Variants in SAMD11 observed in about 807,000 individuals in gnomAD.
SAMD11 encodes sterile alpha motif domain-containing protein 11.
In SAMD11, 77 loss-of-function variants were observed where a neutral mutation model predicts 64.4. The observed-to-expected ratio is 1.20, with a 90% CI of 0.99 to 1.44. The LOEUF is 1.44. SAMD11 is among the 40% of genes most tolerant of loss of function. The probability of loss-of-function intolerance (pLI) is 0.00; values close to 1 mark genes in which losing one functional copy is unlikely to be tolerated. For synonymous variants in SAMD11, 658 were observed against 421.9 expected, an observed-to-expected ratio of 1.56 and a Z score of -6.86; for missense variants, 1,402 against 943.3, an observed-to-expected ratio of 1.49 and a Z score of -6.37.
At chr1:943,587 C>T (rs902420508) in intron 12 of SAMD11, 111 bp from the exon 13 acceptor site, 10 of 1,067,688 alleles carry the variant, frequency 9.4e-6, no homozygotes, top group Admixed American at 3.3e-5. Flanking sequence ...CCCAACAGAT[C>T]ACTGTTTTTA....
Position 942,930 on chromosome 1 carries a change from T to C in SAMD11, c.1925T>C (p.Val642Ala), listed in dbSNP as rs201580592. ...SDGEDPETAA[V>A]GCRGPTPGQA... Reference sequence around the variant, plus strand: ...GGAGAGGACCCCGAGACGGCAGCTGTTGGGTGCAGGGGGCCCACTCCGGGC... The same window carrying C: ...GGAGAGGACCCCGAGACGGCAGCTGCTGGGTGCAGGGGGCCCACTCCGGGC... Residue 642 changes from valine to alanine, a missense_variant, in exon 11 of 14, where the codon GTT becomes GCT. Physicochemically the swap from Val to Ala is moderately conservative, Grantham distance 64. Transcript: ENST00000616016. 4.5e-4 allele frequency: 693 copies of C among 1,551,058 alleles called. 4 individuals are homozygous for C. In the African/African-American group the frequency reaches 8.5e-3, roughly 19 times the overall value.
Position 943,009 on chromosome 1 carries a change from C to G in SAMD11, c.2004C>G (p.Ser668=). Residue 668 remains serine, a synonymous_variant, in exon 11 of 14, where the codon TCC becomes TCG. Coordinates refer to ENST00000616016, the MANE Select transcript of SAMD11 (RefSeq NM_001385641.1). ...GAEGKGLFPG[S]TLPLGFPYAV... ...AGGGGAAGGGGCTTTTCCCAGGGTC[C>G]ACACTGCCCCTGGGCTTCCCTTATG... 6.5e-7 allele frequency: 1 copy of G among 1,538,116 alleles called. No individual in the cohort carries two copies. The highest frequency in any genetic ancestry group is 8.7e-7 in the Non-Finnish European group (1 of 1,145,826).
intron 11 of SAMD11, 55 bp from the exon 12 acceptor site, chr1:943,198 A>C: frequency 1.2e-6 from 2 of 1,609,284 alleles, no homozygotes; most frequent in Middle Eastern, 3.3e-4. Context: ...CGGTCAGGAG[A>C]CGGGCGGGTA....
In SAMD11 at chr1:931,083, C is replaced by T. The variant is rs775725399; in HGVS notation, c.836C>T (p.Ser279Phe). 7 of 1,612,486 alleles carry T rather than the reference C, an allele frequency of 4.3e-6. No individual in the cohort carries two copies. The South Asian group carries it at 5.5e-5, about 13-fold the overall frequency. ...WDVNISFREA[S>F]CSQDGNLPTL... is the part of the protein sequence containing the mutation. ...GTGAACATCTCTTTCCGAGAGGCGTCCTGCAGGTAGGAGCCGTGCTGTGCG... is the reference window on the plus strand; with the variant it reads ...GTGAACATCTCTTTCCGAGAGGCGTTCTGCAGGTAGGAGCCGTGCTGTGCG... The change falls in exon 4 of 14, where the codon TCC becomes TTC. Residue 279 changes from serine (S) to phenylalanine (F), a missense_variant. Coordinates refer to ENST00000616016, the MANE Select transcript of SAMD11 (RefSeq NM_001385641.1).
In SAMD11 at chr1:944,171, G is replaced by T; in HGVS notation, c.*18G>T. ...TGTGTTGAGGTTGCCGGGGGTAGGG[G>T]TGGGGCCACACAAATCTCCAGGAGC... On this transcript the variant is annotated 3_prime_UTR_variant, in exon 14 of 14. Coordinates refer to ENST00000616016, the MANE Select transcript of SAMD11 (RefSeq NM_001385641.1). 6.6e-7 allele frequency: 1 copy of T among 1,525,176 alleles called. No individual in the cohort carries two copies. The highest frequency in any genetic ancestry group is 1.3e-5 in the South Asian group (1 of 76,216). The allele number at this position is 1,525,176 out of a possible 1,614,324, so 94.5% of individuals were successfully genotyped here.
chr1:940,715 T>C (rs1341244882), intron 7 of SAMD11, among the ~76,000 whole-genome samples: 1 of 152,196 alleles, frequency 6.6e-6, no homozygotes, highest in East Asian at 1.9e-4. Flanking sequence ...TGTGACAAGC[T>C]TTGGCCAGCC....
rs944500401 is a variant in SAMD11, at chr1:942,810, C to G, written c.1805C>G (p.Pro602Arg). ...RRAPRKGGPG[P>R]ASARPSESKE... ...GCCCCCCGGAAGGGGGGTCCCGGCCCTGCCTCAGCGCGGCCCAGCGAGTCC... is the reference window on the plus strand; with the variant it reads ...GCCCCCCGGAAGGGGGGTCCCGGCCGTGCCTCAGCGCGGCCCAGCGAGTCC... The change falls in exon 11 of 14, where the codon CCT (proline) becomes CGT (arginine). Residue 602 changes from proline (P) to arginine (R), a missense_variant. By Grantham distance (103) the Pro-to-Arg change is moderately radical (BLOSUM62 -2). Transcript: ENST00000616016. 17 of 1,547,190 alleles carry G rather than the reference C, an allele frequency of 1.1e-5. No homozygotes were observed. The highest frequency in any genetic ancestry group is 1.5e-5 in the Non-Finnish European group (17 of 1,145,988).
In SAMD11 at chr1:944,508, C is replaced by T; in HGVS notation, c.*355C>T. The T allele has an allele frequency of 1.6e-6, 1 of 609,024 alleles. No individual in the cohort carries two copies. The highest frequency in any genetic ancestry group is 2.1e-5 in the South Asian group (1 of 47,448). The allele number at this position is 609,024 out of a possible 1,614,324, so 37.7% of individuals were successfully genotyped here. A position where few individuals can be genotyped will look rare whatever the true frequency, so the allele number is the denominator to read the frequency against. On this transcript the variant is annotated 3_prime_UTR_variant, in exon 14 of 14. Coordinates refer to ENST00000616016, the MANE Select transcript of SAMD11 (RefSeq NM_001385641.1). ...AGCTGTGGGGCTTCAGCAGCCACAC[C>T]AGCCCAGCCCAGCCCAGCTCTCGAT...
chr1:943,248 C>T lies in SAMD11; in HGVS notation c.2054-5C>T, dbSNP rs763496199. On this transcript the variant is annotated splice_region_variant and splice_polypyrimidine_tract_variant and intron_variant, in intron 11 of 13. Transcript: ENST00000616016. Reference sequence around the variant, plus strand: ...AGAGCCCTAGTAACACGCCCCACAACTCAGGCGCGGTAGGGGGACTCTCCA... The same window carrying T: ...AGAGCCCTAGTAACACGCCCCACAATTCAGGCGCGGTAGGGGGACTCTCCA... 1.2e-6 allele frequency: 2 copies of T among 1,612,918 alleles called. No individual in the cohort carries two copies. The highest frequency in any genetic ancestry group is 2.2e-5 in the East Asian group (1 of 44,854).
chr1:941,215 C>T lies in SAMD11; in HGVS notation c.1267C>T (p.Pro423Ser), dbSNP rs1044063718. ...CCCCAGTGGCCTGGAAGCCCACCTG[C>T]CCTCCTCCACGGCAGGTCAGCGTCG... ...RGPSGLEAHL[P>S]SSTAGQRRKQ... The change falls in exon 8 of 14, where the codon CCC (proline) becomes TCC (serine). Residue 423 changes from proline (P) to serine (S), a missense_variant. Physicochemically the swap from Pro to Ser is moderately conservative, Grantham distance 74. Coordinates refer to ENST00000616016, the MANE Select transcript of SAMD11 (RefSeq NM_001385641.1). 76 of 1,601,532 alleles carry T rather than the reference C, an allele frequency of 4.7e-5. No individual in the cohort carries two copies. Among genetic ancestry groups the T allele is most frequent in the Admixed American group, 6.8e-5 (4 of 58,718 alleles).
At position 942,636 on chromosome 1, in the gene SAMD11, C is replaced by T. The variant is rs1382800906; in HGVS notation, c.1631C>T (p.Ala544Val). The stretch of plus-strand genomic sequence containing the variant: ...CCACAGCTGCTGGCGCCCGAGACCG[C>T]CCTGCGCCCCAACGACGGCGCCGAG... ...ARPQLLAPET[A>V]LRPNDGAEEL... Residue 544 changes from alanine (A) to valine (V), a missense_variant, in exon 11 of 14, where the codon GCC (alanine) becomes GTC (valine). Physicochemically the swap from Ala to Val is moderately conservative, Grantham distance 64 (BLOSUM62 0). Transcript: ENST00000616016. 15 of 1,439,368 alleles carry T rather than the reference C, an allele frequency of 1.0e-5. No homozygotes were observed. The highest frequency in any genetic ancestry group is 1.3e-5 in the Non-Finnish European group (14 of 1,103,456). 89.2% of individuals were successfully genotyped at this position (1,439,368 alleles called of 1,614,324 possible). A position where few individuals can be genotyped will look rare whatever the true frequency, so the allele number is the denominator to read the frequency against.
intron 1 of SAMD11, among the ~76,000 whole-genome samples, chr1:925,423 GC>G (rs1640833665): frequency 7.8e-6 from 1 of 128,392 alleles, no homozygotes; most frequent in Non-Finnish European, 1.8e-5. Context: ...GCCTGCGGGC[GC>G]CTGGGCCCAA....
chr1:932,403 T>A (rs1432790641), intron 4 of SAMD11, among the ~76,000 whole-genome samples: 1 of 152,178 alleles, frequency 6.6e-6, no homozygotes, highest in Non-Finnish European at 1.5e-5. Context: ...TCTTCCATCC[T>A]GCACGGGCCC....
intron 2 of SAMD11, among the ~76,000 whole-genome samples, chr1:929,196 C>T (rs1174786305): frequency 1.3e-5 from 2 of 152,196 alleles, no homozygotes; most frequent in African/African-American, 2.4e-5. Flanking sequence ...CAGGGTGCCG[C>T]GGGCACGTCC....
In SAMD11 at chr1:942,299, G is replaced by C. The variant is rs1205719972; in HGVS notation, c.1474+48G>C. 3 of 1,035,308 alleles carry C rather than the reference G, an allele frequency of 2.9e-6. No individual in the cohort carries two copies. The African/African-American group carries it at 5.1e-5, about 17-fold the overall frequency. 64.1% of individuals were successfully genotyped at this position (1,035,308 alleles called of 1,614,324 possible). Reference sequence around the variant, plus strand: ...CCTGGGAGCCCGCGTGGAGGCTCGCGGACCCGGCCCTGCCCCTGTCGGAGC... The same window carrying C: ...CCTGGGAGCCCGCGTGGAGGCTCGCCGACCCGGCCCTGCCCCTGTCGGAGC... On this transcript the variant is annotated intron_variant, in intron 9 of 13. Coordinates refer to ENST00000616016, the MANE Select transcript of SAMD11 (RefSeq NM_001385641.1).
At position 942,579 on chromosome 1, in the gene SAMD11, TC is replaced by T. The variant is rs1425884065; in HGVS notation, c.1576del (p.Leu526CysfsTer38). ...NLARLELPADLLRQKELESAR... is the reference protein window; with the variant it reads ...NLARLELPADXLRQKELESAR... ...CCCAGGCTGGAGCTGCCCGCCGACCTCCTGCGGCAGAAGGAGCTGGAGAGCG... is the reference window on the plus strand; with the variant it reads ...CCCAGGCTGGAGCTGCCCGCCGACCTCTGCGGCAGAAGGAGCTGGAGAGCG... On this transcript the variant is annotated frameshift_variant, in exon 11 of 14. Transcript: ENST00000616016. LOFTEE classifies it high-confidence loss of function. 1 of 1,411,788 alleles carries T rather than the reference TC, an allele frequency of 7.1e-7. No homozygotes were observed. Among genetic ancestry groups the T allele is most frequent in the Non-Finnish European group, 9.2e-7 (1 of 1,091,788 alleles). 87.5% of individuals were successfully genotyped at this position (1,411,788 alleles called of 1,614,324 possible).
intron 4 of SAMD11, among the ~76,000 whole-genome samples, chr1:935,275 G>A (rs890111896): frequency 2.0e-5 from 3 of 152,158 alleles, no homozygotes; most frequent in African/African-American, 7.2e-5. Context: ...TGTGTGCGTG[G>A]GGCGCGTCTC....
At chr1:938,142 C>T (rs915244083) in intron 5 of SAMD11, among the ~76,000 whole-genome samples, 1 of 152,046 alleles carries the variant, frequency 6.6e-6, no homozygotes, top group Non-Finnish European at 1.5e-5. Flanking sequence ...CGGGGTGGGT[C>T]GGAGATGGGT....
Position 930,260 on chromosome 1 carries a change from G to C in SAMD11, c.715G>C (p.Gly239Arg), listed in dbSNP as rs749652698. Residue 239 changes from glycine to arginine, a missense_variant, in exon 3 of 14, where the codon GGG becomes CGG. Gly to Arg is a moderately radical substitution (Grantham distance 125, BLOSUM62 -2). Coordinates refer to ENST00000616016, the MANE Select transcript of SAMD11 (RefSeq NM_001385641.1). ...CTCTGCCAGCGATGGTGACAGCGAC[G>C]GGAGTGGCCCCACCTGTGGGCGGCG... Reference protein sequence around the residue: ...SFSASDGDSDGSGPTCGRRPG... With the variant: ...SFSASDGDSDRSGPTCGRRPG... 7 of 1,607,514 alleles carry C rather than the reference G, an allele frequency of 4.4e-6. No homozygotes were observed. In the South Asian group the frequency reaches 6.7e-5, roughly 15 times the overall value.
Sources: gnomAD v4.1 joint callset for allele counts (sites outside exome capture counted in the v4.1 genomes callset) on GRCh38, gnomAD v4.1.1 for gene constraint, MANE v1.5 for transcripts, NCBI Gene and HGNC (gene_info 2026-07-23, HGNC 2026-07-21) for gene names.